The following CALD1 variants were observed in gnomAD, a reference collection of about 807,000 sequenced individuals.
CALD1 encodes caldesmon 1.
Under a neutral mutation model 99.9 loss-of-function variants are expected in CALD1, and 33 were observed. The observed-to-expected ratio is 0.33, with a 90% CI of 0.25 to 0.44. The LOEUF (loss-of-function observed/expected upper bound fraction) is 0.44. Ranked by LOEUF, CALD1 falls within the 20% of genes least tolerant of loss-of-function variation. CALD1 has a pLI of 1.00. For synonymous variants in CALD1, 310 were observed against 325.0 expected, an observed-to-expected ratio of 0.95 and a Z score of 0.50; for missense variants, 861 against 962.1, an observed-to-expected ratio of 0.89 and a Z score of 1.39.
chr7:134,834,541 C>T (rs1799355315), intron 1 of CALD1, among the ~76,000 whole-genome samples: 1 of 152,190 alleles, frequency 6.6e-6, no homozygotes, highest in African/African-American at 2.4e-5. Flanking sequence ...TTGGGTAAAC[C>T]ATTTAACCTC....
chr7:134,758,904 C>T (rs1441694624), intron 1 of CALD1, among the ~76,000 whole-genome samples: 1 of 152,086 alleles, frequency 6.6e-6, no homozygotes, highest in African/African-American at 2.4e-5. Flanking sequence ...CTTCCCAGCC[C>T]TAGGCCCCTT....
upstream of CALD1, among the ~76,000 whole-genome samples, chr7:134,778,211 GA>G (rs1796961393): frequency 6.6e-6 from 1 of 152,212 alleles, no homozygotes; most frequent in Non-Finnish European, 1.5e-5. Flanking sequence ...AGTTGATATG[GA>G]TGCCTCTGGG....
chr7:134,797,014 A>G (rs1431524760), intron 1 of CALD1, among the ~76,000 whole-genome samples: 1 of 151,736 alleles, frequency 6.6e-6, no homozygotes, highest in Non-Finnish European at 1.5e-5. Flanking sequence ...ATGTAGTAAG[A>G]ATTTTTTTTT....
chr7:134,954,480 A>C (rs1226094593), intron 9 of CALD1, among the ~76,000 whole-genome samples: 1 of 152,260 alleles, frequency 6.6e-6, no homozygotes, highest in East Asian at 1.9e-4. Context: ...CAAATTGTTT[A>C]GAGCCACTAA....
intron 3 of CALD1, among the ~76,000 whole-genome samples, chr7:134,903,566 C>T (rs1345614807): frequency 6.6e-6 from 1 of 152,128 alleles, no homozygotes; most frequent in African/African-American, 2.4e-5. Context: ...GGTGGTTTGG[C>T]AGCAAGCTTT....
At chr7:134,765,667 C>T (rs1246988838) in intron 1 of CALD1, among the ~76,000 whole-genome samples, 1 of 152,148 alleles carries the variant, frequency 6.6e-6, no homozygotes, top group Non-Finnish European at 1.5e-5. Flanking sequence ...TTGTAATCTG[C>T]AGTATTGGAG....
chr7:134,838,331 G>T (rs1367460561), intron 1 of CALD1, among the ~76,000 whole-genome samples: 2 of 152,060 alleles, frequency 1.3e-5, no homozygotes, highest in African/African-American at 4.8e-5. Flanking sequence ...AGATACATAG[G>T]GAAAATCTGA....
chr7:134,828,566 C>T (rs1443344639), intron 1 of CALD1, among the ~76,000 whole-genome samples: 1 of 152,124 alleles, frequency 6.6e-6, no homozygotes, highest in Non-Finnish European at 1.5e-5. Flanking sequence ...GTTAGAAACC[C>T]AGCATTTGAG....
chr7:134,902,509 G>A (rs1483649782), intron 3 of CALD1, among the ~76,000 whole-genome samples: 1 of 152,034 alleles, frequency 6.6e-6, no homozygotes, highest in Non-Finnish European at 1.5e-5. Flanking sequence ...CTACTCCCAG[G>A]AAATGGAGTG....
intron 7 of CALD1, among the ~76,000 whole-genome samples, chr7:134,943,067 C>T (rs551097729): frequency 9.6e-4 from 146 of 152,138 alleles, no homozygotes; most frequent in Non-Finnish European, 1.9e-3. Flanking sequence ...TAGCCACCAA[C>T]GTATGTGAGT....
At chr7:134,794,694 C>T (rs1210713574) in intron 1 of CALD1, among the ~76,000 whole-genome samples, 1 of 152,108 alleles carries the variant, frequency 6.6e-6, no homozygotes, top group Non-Finnish European at 1.5e-5. Context: ...ACCATGTTGG[C>T]CAGGCTGGTC....
intron 3 of CALD1, among the ~76,000 whole-genome samples, chr7:134,886,665 T>C (rs1440506180): frequency 6.6e-6 from 1 of 152,230 alleles, no homozygotes; most frequent in African/African-American, 2.4e-5. Flanking sequence ...GATGACTTAA[T>C]ACCTGTGGCC....
chr7:134,957,674 G>A (rs951504553), intron 9 of CALD1, among the ~76,000 whole-genome samples: 2 of 152,206 alleles, frequency 1.3e-5, no homozygotes, highest in Non-Finnish European at 2.9e-5. Context: ...GCCTGCCTCG[G>A]CCTCTCAAAG....
In CALD1 at chr7:134,933,524, C is replaced by T. The variant is rs1241205768; in HGVS notation, c.755C>T (p.Ser252Phe). The change falls in exon 5 of 15, where the codon TCC (serine) becomes TTC (phenylalanine). Residue 252 changes from serine to phenylalanine, a missense_variant. Physicochemically the swap from Ser to Phe is radical, Grantham distance 155 (BLOSUM62 -2). Around this residue, in one of 5 missense-constraint regions of CALD1, gnomAD observed 234 missense variants for 233.1 expected, o/e 1.00. Transcript: ENST00000361675. ...EEREQGSDEI[S>F]HHEKMEEEDK... ...AGGGAACAAGGTTCAGATGAGATTT[C>T]CCATCATGAAAAGATGGAAGAGGAA... The T allele has an allele frequency of 8.7e-6, 14 of 1,613,806 alleles. No homozygotes were observed. Among genetic ancestry groups the T allele is most frequent in the Non-Finnish European group, 1.2e-5 (14 of 1,179,908 alleles).
At chr7:134,743,462 G>C (rs1299242624), upstream of CALD1, among the ~76,000 whole-genome samples, 1 of 152,136 alleles carries the variant, frequency 6.6e-6, no homozygotes, top group Non-Finnish European at 1.5e-5. Context: ...GCAAATCTAA[G>C]GGGGGTGGGA....
chr7:134,817,439 C>T (rs1378424534), intron 1 of CALD1, among the ~76,000 whole-genome samples: 1 of 152,110 alleles, frequency 6.6e-6, no homozygotes, highest in Non-Finnish European at 1.5e-5. Flanking sequence ...AACTACAGTG[C>T]AATACCAAAA....
chr7:134,908,832 T>A (rs1803587658), intron 3 of CALD1, among the ~76,000 whole-genome samples: 1 of 152,148 alleles, frequency 6.6e-6, no homozygotes, highest in South Asian at 2.1e-4. Flanking sequence ...TATATATATA[T>A]GAAACAAGTT....
At chr7:134,748,507 C>T (rs1389012975) in intron 1 of CALD1, among the ~76,000 whole-genome samples, 3 of 152,078 alleles carry the variant, frequency 2.0e-5, no homozygotes, top group Admixed American at 6.6e-5. Flanking sequence ...GTCAGGAGTT[C>T]GAGACCAGCC....
At chr7:134,743,788 T>C (rs75275020), upstream of CALD1, among the ~76,000 whole-genome samples, 4,072 of 152,316 alleles carry the variant, frequency 0.027, 170 homozygotes, top group African/African-American at 0.093. Context: ...TGCATGACTT[T>C]ACTTGTGGAG....
Sources: allele counts gnomAD v4.1 joint callset (sites outside exome capture counted in the v4.1 genomes callset), GRCh38; gene constraint gnomAD v4.1.1; regional missense constraint gnomAD v4.1.1; transcripts MANE v1.5; gene names NCBI Gene and HGNC (gene_info 2026-07-23, HGNC 2026-07-21).